The following TENM3 variants were observed in gnomAD, a reference collection of about 807,000 sequenced individuals.
The protein encoded by TENM3 is teneurin-3.
TENM3 carries 63 observed loss-of-function variants against 255.1 expected under a neutral mutation model. The observed-to-expected ratio is 0.25, with a 90% CI of 0.20 to 0.30. TENM3 has a LOEUF of 0.30. TENM3 is among the 10% of genes least tolerant of loss of function. TENM3 has a pLI of 1.00. For missense variants in TENM3, 2,929 were observed against 3,461.1 expected, an observed-to-expected ratio of 0.85 and a Z score of 3.86; for synonymous variants, 1,306 against 1,322.3, an observed-to-expected ratio of 0.99 and a Z score of 0.27.
chr4:182,253,751 A>G (rs1308491506), intron 1 of TENM3, among the ~76,000 whole-genome samples: 5 of 152,204 alleles, frequency 3.3e-5, no homozygotes, highest in South Asian at 4.1e-4. Flanking sequence ...ATTAATTGAC[A>G]TTATCTAATC....
the TENM3 span, among the ~76,000 whole-genome samples, chr4:182,038,678 G>A: frequency 3.3e-5 from 5 of 152,186 alleles, no homozygotes; most frequent in African/African-American, 1.2e-4. Context: ...CAAGACCAAT[G>A]CAGAGCTATA....
At chr4:181,778,240 A>C in the TENM3 span, among the ~76,000 whole-genome samples, 1 of 152,130 alleles carries the variant, frequency 6.6e-6, no homozygotes, top group African/African-American at 2.4e-5. Context: ...CAAAAAAAGG[A>C]TGGCCTTTTA....
At chr4:181,773,724 A>G in the TENM3 span, among the ~76,000 whole-genome samples, 1 of 152,132 alleles carries the variant, frequency 6.6e-6, no homozygotes, top group Admixed American at 6.6e-5. Context: ...TGTGTTTTCT[A>G]GCAGATTTTA....
At chr4:182,446,887 C>T (rs1580571535) in intron 3 of TENM3, among the ~76,000 whole-genome samples, 1 of 152,072 alleles carries the variant, frequency 6.6e-6, no homozygotes, top group South Asian at 2.1e-4. Flanking sequence ...AGGTGACCCC[C>T]CACCCCCCTC....
chr4:182,339,833 CG>C (rs1764375021), intron 2 of TENM3, among the ~76,000 whole-genome samples: 1 of 151,928 alleles, frequency 6.6e-6, no homozygotes, highest in Non-Finnish European at 1.5e-5. Context: ...TTATCATTGC[CG>C]GGCCTTGGAT....
chr4:182,448,951 C>T (rs1383825353), intron 3 of TENM3: 1 of 392,044 alleles, frequency 2.6e-6, no homozygotes, highest in Non-Finnish European at 5.1e-6. Context: ...GAGCCTCAGC[C>T]TATCATGTCT....
intron 3 of TENM3, among the ~76,000 whole-genome samples, chr4:182,350,523 C>T (rs1185981654): frequency 6.6e-6 from 1 of 152,156 alleles, no homozygotes; most frequent in East Asian, 1.9e-4. Flanking sequence ...AGGGCAAGTT[C>T]TGGAGAGACG....
chr4:181,835,555 T>C, the TENM3 span, among the ~76,000 whole-genome samples: 1 of 152,198 alleles, frequency 6.6e-6, no homozygotes, highest in African/African-American at 2.4e-5. Context: ...CAACCACTCT[T>C]GGCGACCAAT....
At position 182,753,455 on chromosome 4, in the gene TENM3, G is replaced by T. The variant is rs1168752852; in HGVS notation, c.3868G>T (p.Ala1290Ser). The T allele has an allele frequency of 6.2e-7, 1 of 1,612,032 alleles. No homozygotes were observed. Among genetic ancestry groups the T allele is most frequent in the African/African-American group, 1.3e-5 (1 of 74,868 alleles). ...CTTGCTTCTCTCAAATACAGGAATG[G>T]CAGTTGATAAGAATGGATTAATCTA... ...EATLMSPKGM[A>S]VDKNGLIYFV... The change falls in exon 21 of 28, where the codon GCA becomes TCA. Residue 1290 changes from alanine (A) to serine (S), a missense_variant. Physicochemically the swap from Ala to Ser is moderately conservative, Grantham distance 99. Around this residue, in one of 6 missense-constraint regions of TENM3, gnomAD observed 1,608 missense variants for 1,884.4 expected, o/e 0.85. Transcript: ENST00000511685.
the TENM3 span, among the ~76,000 whole-genome samples, chr4:181,683,474 C>T: frequency 6.6e-6 from 1 of 152,156 alleles, no homozygotes; most frequent in African/African-American, 2.4e-5. Flanking sequence ...GATTGCGGGG[C>T]TCACTCCCAG....
At chr4:182,787,735 CAAAAAAAAAAAAAA>C (rs33998093) in intron 24 of TENM3, among the ~76,000 whole-genome samples, 4 of 41,576 alleles carry the variant, frequency 9.6e-5, no homozygotes, top group South Asian at 1.7e-3. Context: ...AACTCCACCT[CAAAAAAAAAAAAAA>C]AAAAAAAAAA....
chr4:181,595,454 A>AAAAAAAAG, the TENM3 span, among the ~76,000 whole-genome samples: 4 of 107,596 alleles, frequency 3.7e-5, no homozygotes, highest in Non-Finnish European at 6.8e-5. Context: ...AAAAAAAAAA[A>AAAAAAAAG]CAAGCAAGAG....
At chr4:182,436,740 A>G (rs1016870676) in intron 3 of TENM3, among the ~76,000 whole-genome samples, 1 of 152,130 alleles carries the variant, frequency 6.6e-6, no homozygotes, top group Admixed American at 6.5e-5. Flanking sequence ...ATTCTTGGCC[A>G]GGCATGGTGG....
intron 1 of TENM3, among the ~76,000 whole-genome samples, chr4:182,303,214 C>A (rs1376368109): frequency 2.0e-5 from 3 of 151,878 alleles, no homozygotes; most frequent in African/African-American, 7.3e-5. Flanking sequence ...AGGATAGATG[C>A]TTTTTATCAT....
intron 1 of TENM3, among the ~76,000 whole-genome samples, chr4:182,258,013 G>A (rs999075340): frequency 1.3e-5 from 2 of 151,850 alleles, no homozygotes; most frequent in Admixed American, 6.6e-5. Context: ...GAATTCAGGA[G>A]TATATAGTAT....
At chr4:181,661,069 A>G in the TENM3 span, among the ~76,000 whole-genome samples, 1 of 152,204 alleles carries the variant, frequency 6.6e-6, no homozygotes, top group Non-Finnish European at 1.5e-5. Flanking sequence ...TGTAAATGGA[A>G]GAGACAATGA....
At chr4:182,744,088 G>GCTTT in intron 19 of TENM3, 1 of 507,066 alleles carries the variant, frequency 2.0e-6, no homozygotes, top group Non-Finnish European at 2.4e-6. Context: ...TTCTAACTGT[G>GCTTT]CTTTCTTTTT....
Position 182,666,564 on chromosome 4 carries a change from G to A in TENM3, c.1112-6441G>A, listed in dbSNP as rs375957951. On this transcript the variant is annotated intron_variant, in intron 6 of 27. Transcript: ENST00000511685. ...ATCAGATGATCGGTAGCATTTTTTA[G>A]CAATAAAATTTTTTAAATTAAGTTT... Among the ~76,000 whole-genome samples the A allele has an allele frequency of 3.3e-5, 5 of 152,276 alleles. No homozygotes were observed. The East Asian group carries it at 7.7e-4, about 24-fold the overall frequency.
At chr4:182,531,178 G>C (rs1053098749) in intron 3 of TENM3, among the ~76,000 whole-genome samples, 1 of 152,122 alleles carries the variant, frequency 6.6e-6, no homozygotes, top group Admixed American at 6.5e-5. Context: ...TGTCAAGGAG[G>C]AGTATTCACT....
Sources: allele counts gnomAD v4.1 joint callset (sites outside exome capture counted in the v4.1 genomes callset), GRCh38; gene constraint gnomAD v4.1.1; regional missense constraint gnomAD v4.1.1; transcripts MANE v1.5; gene names NCBI Gene and HGNC (gene_info 2026-07-23, HGNC 2026-07-21).